The following CEP128 variants were observed in gnomAD, a reference collection of about 807,000 sequenced individuals.
CEP128 encodes the protein centrosomal protein 128kDa.
In CEP128, 132 loss-of-function variants were observed where a neutral mutation model predicts 156.7. That is an observed-to-expected ratio of 0.84 (90% CI 0.73 to 0.97). CEP128 has a LOEUF of 0.97. Ranked by LOEUF, CEP128 falls within the 50% of genes least tolerant of loss-of-function variation. The probability of loss-of-function intolerance (pLI) is 0.00; values close to 1 mark genes in which losing one functional copy is unlikely to be tolerated. For synonymous variants in CEP128, 469 were observed against 448.9 expected (o/e 1.04, Z -0.57); for missense variants, 1,252 against 1,281.9 (o/e 0.98, Z 0.36).
intron 13 of CEP128, chr14:80,822,741 G>A: frequency 1.2e-6 from 1 of 829,044 alleles, no homozygotes; most frequent in Non-Finnish European, 2.1e-6. Flanking sequence ...GTAGAAAATG[G>A]AGATGCCAAA....
chr14:80,668,107 G>C (rs1372260615), intron 19 of CEP128, among the ~76,000 whole-genome samples: 5 of 152,066 alleles, frequency 3.3e-5, no homozygotes. Flanking sequence ...CTTATTCCTT[G>C]CACAATCCCC....
At chr14:80,707,910 G>A in intron 19 of CEP128, among the ~76,000 whole-genome samples, 1 of 151,986 alleles carries the variant, frequency 6.6e-6, no homozygotes, top group East Asian at 1.9e-4. Flanking sequence ...CATTAACTTT[G>A]TTTGAAAATT....
chr14:80,662,927 T>G (rs1895461020), intron 19 of CEP128, among the ~76,000 whole-genome samples: 1 of 152,208 alleles, frequency 6.6e-6, no homozygotes, highest in African/African-American at 2.4e-5. Flanking sequence ...ACTGAGGCAC[T>G]GAAATTTTCA....
chr14:80,661,199 T>G (rs1895387480), intron 19 of CEP128, among the ~76,000 whole-genome samples: 1 of 151,856 alleles, frequency 6.6e-6, no homozygotes, highest in Non-Finnish European at 1.5e-5. Flanking sequence ...TAAAACGTGC[T>G]CCCCCCCACA....
chr14:80,835,070 C>T (rs567469360), intron 12 of CEP128, among the ~76,000 whole-genome samples: 1 of 152,186 alleles, frequency 6.6e-6, no homozygotes, highest in Admixed American at 6.5e-5. Flanking sequence ...CTCAAGGGAA[C>T]TGATTAGTTC....
chr14:80,935,792 T>A (rs947639514), intron 2 of CEP128, among the ~76,000 whole-genome samples: 7 of 151,982 alleles, frequency 4.6e-5, no homozygotes, highest in Non-Finnish European at 5.9e-5. Context: ...ATACTAATAA[T>A]TCAACAATTA....
chr14:80,492,175 A>C (rs553311624), downstream of CEP128, among the ~76,000 whole-genome samples: 1 of 152,300 alleles, frequency 6.6e-6, no homozygotes, highest in Admixed American at 6.5e-5. Context: ...CATTTTGGGA[A>C]CTGCTCTTTT....
chr14:80,895,798 G>GGAAAA lies in CEP128; in HGVS notation c.573-9_573-8insTTTTC. 4 of 1,262,702 alleles carry GGAAAA rather than the reference G, an allele frequency of 3.2e-6. No individual in the cohort carries two copies. Among genetic ancestry groups the GGAAAA allele is most frequent in the Non-Finnish European group, 4.2e-6 (4 of 962,916 alleles). 78.2% of individuals were successfully genotyped at this position (1,262,702 alleles called of 1,614,324 possible). On this transcript the variant is annotated splice_polypyrimidine_tract_variant and intron_variant, in intron 7 of 24. Coordinates refer to ENST00000555265, the MANE Select transcript of CEP128 (RefSeq NM_152446.5). The stretch of plus-strand genomic sequence containing the variant: ...TTTGTTTCGGCATCTGACCTAGGAA[G>GGAAAA]AAAAAAAAAAAAAAGATTTAAATTT...
chr14:80,913,243 G>A (rs1884350494), intron 4 of CEP128, among the ~76,000 whole-genome samples: 1 of 152,112 alleles, frequency 6.6e-6, no homozygotes, highest in African/African-American at 2.4e-5. Flanking sequence ...ATGTATGTGT[G>A]TGTACAATAA....
chr14:80,690,304 T>G (rs1376281153), intron 19 of CEP128, among the ~76,000 whole-genome samples: 1 of 148,900 alleles, frequency 6.7e-6, no homozygotes, highest in Non-Finnish European at 1.5e-5. Context: ...TAATCTCAGC[T>G]ACTCAGGAGG....
chr14:80,858,058 A>G (rs1418122933), intron 9 of CEP128, among the ~76,000 whole-genome samples: 1 of 152,162 alleles, frequency 6.6e-6, no homozygotes, highest in Non-Finnish European at 1.5e-5. Flanking sequence ...TAAAGTTCAT[A>G]TGGAACCAAA....
intron 2 of CEP128, among the ~76,000 whole-genome samples, chr14:80,936,671 G>T (rs75544243): frequency 0.015 from 2,248 of 152,116 alleles, 25 homozygotes; most frequent in Middle Eastern, 0.051. Context: ...GGAACCAAAG[G>T]GTTAATCAGC....
intron 16 of CEP128, among the ~76,000 whole-genome samples, chr14:80,772,558 G>A (rs1900569136): frequency 6.6e-6 from 1 of 152,148 alleles, no homozygotes; most frequent in African/African-American, 2.4e-5. Context: ...AGAGAGCACT[G>A]AGCTGTTTAA....
At chr14:80,649,541 A>G (rs1595149811) in intron 19 of CEP128, among the ~76,000 whole-genome samples, 1 of 152,134 alleles carries the variant, frequency 6.6e-6, no homozygotes, top group East Asian at 1.9e-4. Context: ...CATGACGTTC[A>G]GGTCACTTAC....
At position 80,576,093 on chromosome 14, in the gene CEP128, A is replaced by G. The variant is rs79494980; in HGVS notation, c.2856+4281T>C. On this transcript the variant is annotated intron_variant, in intron 20 of 24. Coordinates refer to ENST00000555265, the MANE Select transcript of CEP128 (RefSeq NM_152446.5). The stretch of plus-strand genomic sequence containing the variant: ...TGTATTTTAGGATTCAGAAAGCAAC[A>G]TGGGGAAAGGTGAACCAGGTAGACT... Among the ~76,000 whole-genome samples, 450 of 152,170 alleles carry G rather than the reference A, an allele frequency of 3.0e-3. 3 individuals carry two copies. Among genetic ancestry groups the G allele is most frequent in the African/African-American group, 0.01 (423 of 41,518 alleles).
At chr14:80,588,496 T>C (rs1891913765) in intron 19 of CEP128, among the ~76,000 whole-genome samples, 1 of 152,094 alleles carries the variant, frequency 6.6e-6, no homozygotes, top group Non-Finnish European at 1.5e-5. Flanking sequence ...AGTTTTAAGG[T>C]ATATATGATA....
At chr14:80,699,625 G>T (rs1458395854) in intron 19 of CEP128, among the ~76,000 whole-genome samples, 4 of 148,018 alleles carry the variant, frequency 2.7e-5, no homozygotes, top group Non-Finnish European at 5.9e-5. Flanking sequence ...CCTTAGGCGA[G>T]CATGCTACAT....
intron 19 of CEP128, among the ~76,000 whole-genome samples, chr14:80,615,439 A>C (rs922365989): frequency 2.6e-5 from 4 of 152,210 alleles, no homozygotes; most frequent in Admixed American, 6.5e-5. Flanking sequence ...TAAGCAACTC[A>C]GCTTCTTAGC....
chr14:80,860,359 TC>T (rs1828816977), intron 9 of CEP128, among the ~76,000 whole-genome samples: 1 of 152,196 alleles, frequency 6.6e-6, no homozygotes, highest in Admixed American at 6.5e-5. Context: ...GAGATGGAAT[TC>T]CAAATCACAG....
Sources: gnomAD v4.1 joint callset for allele counts (sites outside exome capture counted in the v4.1 genomes callset) on GRCh38, gnomAD v4.1.1 for gene constraint, MANE v1.5 for transcripts, NCBI Gene and HGNC (gene_info 2026-07-23, HGNC 2026-07-21) for gene names.